CDH4: variants seen among roughly 807,000 people sequenced by gnomAD.
CDH4 encodes cadherin-4.
In CDH4, 33 loss-of-function variants were observed where a neutral mutation model predicts 86.0. The ratio of observed to expected loss-of-function variants is 0.38; its 90% CI spans 0.29 to 0.51. The LOEUF (loss-of-function observed/expected upper bound fraction) is 0.51. CDH4 is among the 20% of genes least tolerant of loss of function. The pLI, the probability that CDH4 is intolerant of heterozygous loss-of-function variation, is 0.86. For missense variants in CDH4, 1,114 were observed against 1,307.4 expected (o/e 0.85, Z 2.28); for synonymous variants, 555 against 549.4 (o/e 1.01, Z -0.14).
At chr20:61,882,979 GC>G (rs532397681) in intron 7 of CDH4, among the ~76,000 whole-genome samples, 16 of 152,188 alleles carry the variant, frequency 1.1e-4, no homozygotes, top group Non-Finnish European at 2.2e-4. Context: ...CTCTGTCCAC[GC>G]CCAGAAGCCC....
intron 6 of CDH4, among the ~76,000 whole-genome samples, chr20:61,866,355 A>G (rs1176128104): frequency 6.6e-6 from 1 of 152,112 alleles, no homozygotes; most frequent in East Asian, 1.9e-4. Flanking sequence ...CTAGCAGTGA[A>G]TTTGCTGAGT....
intron 7 of CDH4, among the ~76,000 whole-genome samples, chr20:61,881,672 C>T (rs932599621): frequency 1.1e-4 from 17 of 152,264 alleles, no homozygotes; most frequent in African/African-American, 3.1e-4. Flanking sequence ...GAGGAGGGGG[C>T]GGCACGTGGG....
intron 6 of CDH4, among the ~76,000 whole-genome samples, chr20:61,856,315 G>A (rs117853962): frequency 0.017 from 2,579 of 152,268 alleles, 43 homozygotes; most frequent in Non-Finnish European, 0.026. Flanking sequence ...GAGTTCATCT[G>A]GGGACATGAG....
At chr20:61,661,493 A>C (rs868122020) in intron 2 of CDH4, among the ~76,000 whole-genome samples, 1 of 36,078 alleles carries the variant, frequency 2.8e-5, no homozygotes, top group African/African-American at 8.3e-5. Flanking sequence ...TTTTTTTTTT[A>C]ACACTCATAC....
At chr20:61,383,023 A>G (rs1360099276) in intron 2 of CDH4, among the ~76,000 whole-genome samples, 1 of 147,462 alleles carries the variant, frequency 6.8e-6, no homozygotes, top group Non-Finnish European at 1.5e-5. Flanking sequence ...TGTATTAGTC[A>G]CAGTTCTCTA....
At chr20:61,700,001 C>T (rs991247318) in intron 2 of CDH4, among the ~76,000 whole-genome samples, 7 of 152,198 alleles carry the variant, frequency 4.6e-5, no homozygotes, top group Non-Finnish European at 1.0e-4. Context: ...GAACGAGGCT[C>T]ACAGCGCCGG....
chr20:61,331,668 GC>G (rs1568801249), intron 2 of CDH4, among the ~76,000 whole-genome samples: 469 of 35,920 alleles, frequency 0.013, no homozygotes, highest in Middle Eastern at 0.023. Flanking sequence ...CCTGCCCCAG[GC>G]TCACCTCCTG....
rs1419287963 is a variant in CDH4, at chr20:61,252,301, C to T, written c.-213C>T. 6.8e-6 allele frequency: 1 copy of T among 147,350 alleles called. No homozygotes were observed. Among genetic ancestry groups the T allele is most frequent in the Admixed American group, 6.8e-5 (1 of 14,720 alleles). 9.1% of individuals were successfully genotyped at this position (147,350 alleles called of 1,614,324 possible). ...TGCGAGGCCGGCGGACGCACCGGCCCGAGGGAACGCGCCGCCGGCCGGACT... is the reference window on the plus strand; with the variant it reads ...TGCGAGGCCGGCGGACGCACCGGCCTGAGGGAACGCGCCGCCGGCCGGACT... On this transcript the variant is annotated 5_prime_UTR_variant, in exon 1 of 16. Transcript: ENST00000614565. The surrounding 1 kb of genome is among the most constrained non-coding windows in gnomAD (Gnocchi z 4.4).
At chr20:61,550,335 C>T (rs2086120618) in intron 2 of CDH4, among the ~76,000 whole-genome samples, 2 of 151,900 alleles carry the variant, frequency 1.3e-5, no homozygotes, top group South Asian at 4.2e-4. Flanking sequence ...TCCCTGGCCT[C>T]CCTAGCCTGC....
chr20:61,911,306 A>T (rs934332328), intron 9 of CDH4, among the ~76,000 whole-genome samples: 1 of 152,202 alleles, frequency 6.6e-6, no homozygotes, highest in Non-Finnish European at 1.5e-5. Flanking sequence ...TTTAATCTAA[A>T]TTTTCAAATT....
At chr20:61,792,121 T>TG (rs1289136535) in intron 4 of CDH4, among the ~76,000 whole-genome samples, 1 of 151,822 alleles carries the variant, frequency 6.6e-6, no homozygotes, top group Admixed American at 6.6e-5. Context: ...TGTGGGGGCC[T>TG]GGGCTAGGAC....
At chr20:61,651,683 A>G (rs1007180143) in intron 2 of CDH4, among the ~76,000 whole-genome samples, 1 of 152,038 alleles carries the variant, frequency 6.6e-6, no homozygotes, top group African/African-American at 2.4e-5. Context: ...ACTTGCACCA[A>G]CCTCCTCTCC....
At position 61,603,214 on chromosome 20, in the gene CDH4, A is replaced by C. The variant is rs554737728; in HGVS notation, c.170-140349A>C. ...AGGGATGACACGGAGTCCGTGTCACAGAGTTCCCACTCTGGTTGGGAGACA... is the reference window on the plus strand; with the variant it reads ...AGGGATGACACGGAGTCCGTGTCACCGAGTTCCCACTCTGGTTGGGAGACA... On this transcript the variant is annotated intron_variant, in intron 2 of 15. Transcript: ENST00000614565. Among the ~76,000 whole-genome samples, 14 of 152,312 alleles carry C rather than the reference A, an allele frequency of 9.2e-5. 1 individual carries two copies. The South Asian group carries it at 2.9e-3, about 32-fold the overall frequency.
intron 2 of CDH4, among the ~76,000 whole-genome samples, chr20:61,337,528 AG>A (rs2084626346): frequency 6.6e-6 from 1 of 151,556 alleles, no homozygotes; most frequent in African/African-American, 2.4e-5. Context: ...AGGGAAGATG[AG>A]GGAAAGCATG....
chr20:61,873,870 C>T lies in CDH4; in HGVS notation c.1020C>T (p.Ile340=), dbSNP rs766863757. 3 of 1,614,070 alleles carry T rather than the reference C, an allele frequency of 1.9e-6. No individual in the cohort carries two copies. Among genetic ancestry groups the T allele is most frequent in the South Asian group, 2.2e-5 (2 of 91,084 alleles). Residue 340 remains isoleucine, a synonymous_variant, in exon 7 of 16, where the codon ATC becomes ATT. Coordinates refer to ENST00000614565, the MANE Select transcript of CDH4 (RefSeq NM_001794.5). ...MFTINSETGD[I]VTVAAGLDRE... ...CCATCAACAGCGAGACTGGAGATAT[C>T]GTCACAGTGGCGGCTGGCCTGGACC...
intron 2 of CDH4, among the ~76,000 whole-genome samples, chr20:61,262,323 A>G (rs1460645592): frequency 2.0e-5 from 3 of 152,086 alleles, no homozygotes; most frequent in Admixed American, 1.3e-4. Flanking sequence ...CTCTAAGCTG[A>G]GAGAGAGCAA....
chr20:61,725,306 A>G (rs916317257), intron 2 of CDH4, among the ~76,000 whole-genome samples: 1 of 152,170 alleles, frequency 6.6e-6, no homozygotes, highest in Non-Finnish European at 1.5e-5. Context: ...CGAGCTGGTC[A>G]TAGACAGTGC....
intron 2 of CDH4, among the ~76,000 whole-genome samples, chr20:61,588,622 C>T (rs190913655): frequency 1.9e-3 from 287 of 152,206 alleles, no homozygotes; most frequent in Non-Finnish European, 3.3e-3. Context: ...ACCCCAGGGC[C>T]CTCCCCCTCC....
chr20:61,285,076 T>C (rs1600834406), intron 2 of CDH4, among the ~76,000 whole-genome samples: 1 of 108,804 alleles, frequency 9.2e-6, no homozygotes, highest in Non-Finnish European at 2.1e-5. Flanking sequence ...TTTCCTGTTT[T>C]TTTTTTTTGT....
Sources: allele counts gnomAD v4.1 joint callset (sites outside exome capture counted in the v4.1 genomes callset), GRCh38; gene constraint gnomAD v4.1.1; non-coding constraint Gnocchi (gnomAD v3.1); transcripts MANE v1.5; gene names NCBI Gene and HGNC (gene_info 2026-07-23, HGNC 2026-07-21).